DLG2: variants seen among roughly 807,000 people sequenced by gnomAD.
DLG2 encodes disks large homolog 2.
In DLG2, 45 loss-of-function variants were observed where a neutral mutation model predicts 132.5. The ratio of observed to expected loss-of-function variants is 0.34; its 90% CI spans 0.27 to 0.44. The LOEUF is 0.44. DLG2 is among the 20% of genes least tolerant of loss of function. DLG2 has a pLI of 1.00. For missense variants in DLG2, 1,045 were observed against 1,196.9 expected, an observed-to-expected ratio of 0.87 and a Z score of 1.87; for synonymous variants, 424 against 419.6, an observed-to-expected ratio of 1.01 and a Z score of -0.13.
At chr11:83,537,757 G>A (rs1262974374) in intron 20 of DLG2, among the ~76,000 whole-genome samples, 1 of 135,194 alleles carries the variant, frequency 7.4e-6, no homozygotes, top group Non-Finnish European at 1.6e-5. Flanking sequence ...GGAGGTTGCA[G>A]TGAGTTGGGA....
intron 14 of DLG2, among the ~76,000 whole-genome samples, chr11:83,960,282 T>C (rs2088235041): frequency 6.6e-6 from 1 of 152,064 alleles, no homozygotes. Context: ...CAGTATTTCC[T>C]AAGTGTCTCT....
chr11:84,410,571 AAACTTT>A (rs1028046938), intron 7 of DLG2, among the ~76,000 whole-genome samples: 7 of 149,290 alleles, frequency 4.7e-5, no homozygotes, highest in African/African-American at 1.7e-4. Context: ...AAAACCACAT[AAACTTT>A]TTTTTTTTTT....
chr11:85,302,496 A>C (rs2079648960), intron 3 of DLG2, among the ~76,000 whole-genome samples: 8 of 152,106 alleles, frequency 5.3e-5, no homozygotes, highest in African/African-American at 2.4e-5. Flanking sequence ...CAGATAAGCT[A>C]TCCCAGACTG....
chr11:84,756,359 A>G (rs557333148), intron 6 of DLG2, among the ~76,000 whole-genome samples: 3 of 152,332 alleles, frequency 2.0e-5, no homozygotes, highest in Non-Finnish European at 2.9e-5. Context: ...CTGTAATCCC[A>G]GCCCTTTAGA....
intron 2 of DLG2, among the ~76,000 whole-genome samples, chr11:85,610,084 G>A (rs1169090585): frequency 6.6e-6 from 1 of 152,166 alleles, no homozygotes; most frequent in Non-Finnish European, 1.5e-5. Context: ...GGCATTGGAA[G>A]GATAATTTGG....
At chr11:84,297,081 G>T (rs780789589) in intron 7 of DLG2, among the ~76,000 whole-genome samples, 2 of 148,674 alleles carry the variant, frequency 1.3e-5, no homozygotes, top group Non-Finnish European at 3.0e-5. Context: ...AATTATAATT[G>T]ACTTCATAAG....
chr11:85,481,327 C>A (rs898948830), intron 3 of DLG2, among the ~76,000 whole-genome samples: 4 of 152,160 alleles, frequency 2.6e-5, no homozygotes, highest in Non-Finnish European at 4.4e-5. Flanking sequence ...TTGTCTCTCC[C>A]ACAGAAACAT....
intron 3 of DLG2, among the ~76,000 whole-genome samples, chr11:85,559,068 T>C (rs768833948): frequency 4.6e-5 from 7 of 151,718 alleles, no homozygotes; most frequent in Non-Finnish European, 8.8e-5. Context: ...AGTGGTGATG[T>C]TATGAAATGA....
intron 21 of DLG2, among the ~76,000 whole-genome samples, chr11:83,499,379 G>A (rs1432615058): frequency 2.0e-5 from 3 of 152,024 alleles, no homozygotes; most frequent in South Asian, 4.1e-4. Flanking sequence ...AGTCTATATT[G>A]CAATGAATAT....
Position 83,459,717 on chromosome 11 carries a change from A to T in DLG2, c.*101T>A. 1.5e-6 allele frequency: 1 copy of T among 662,270 alleles called. No individual in the cohort carries two copies. Among genetic ancestry groups the T allele is most frequent in the South Asian group, 2.0e-5 (1 of 51,088 alleles). The allele number at this position is 662,270 out of a possible 1,614,324, so 41.0% of individuals were successfully genotyped here. ...GTAAGAATTCACATTGACTGCAAAA[A>T]CATAAATGCAACAAAAACATAAAAG... On this transcript the variant is annotated 3_prime_UTR_variant, in exon 28 of 28. Transcript: ENST00000376104.
chr11:84,785,607 T>G (rs1199983086), intron 6 of DLG2, among the ~76,000 whole-genome samples: 1 of 152,170 alleles, frequency 6.6e-6, no homozygotes, highest in South Asian at 2.1e-4. Context: ...TGAAATTGTA[T>G]AGAACCAACA....
chr11:85,238,249 ATT>A (rs2075698380), intron 4 of DLG2, among the ~76,000 whole-genome samples: 1 of 131,866 alleles, frequency 7.6e-6, no homozygotes, highest in Admixed American at 7.5e-5. Flanking sequence ...TTATTTATTT[ATT>A]TATTTATTTT....
chr11:84,669,102 GAGA>G (rs1273093901), intron 6 of DLG2, among the ~76,000 whole-genome samples: 1 of 152,114 alleles, frequency 6.6e-6, no homozygotes, highest in African/African-American at 2.4e-5. Context: ...AGGGCTCATA[GAGA>G]AGATGACACT....
chr11:84,522,963 T>C (rs1000427440), intron 7 of DLG2, among the ~76,000 whole-genome samples: 13 of 152,162 alleles, frequency 8.5e-5, no homozygotes, highest in African/African-American at 3.1e-4. Flanking sequence ...CCCAACTCAT[T>C]TGCTACAATT....
At chr11:84,147,160 T>C (rs1192355880) in intron 9 of DLG2, among the ~76,000 whole-genome samples, 2 of 152,100 alleles carry the variant, frequency 1.3e-5, no homozygotes, top group African/African-American at 4.8e-5. Flanking sequence ...AGATTTTCCA[T>C]GCTCCAGCCC....
chr11:85,432,805 G>A (rs1024327847), intron 3 of DLG2, among the ~76,000 whole-genome samples: 19 of 152,038 alleles, frequency 1.2e-4, no homozygotes, highest in Non-Finnish European at 2.9e-5. Context: ...TCAGATTCAG[G>A]AAATACAGAG....
At chr11:85,432,823 C>T (rs1414609147) in intron 3 of DLG2, among the ~76,000 whole-genome samples, 1 of 152,056 alleles carries the variant, frequency 6.6e-6, no homozygotes, top group Non-Finnish European at 1.5e-5. Flanking sequence ...GAGAAACTGA[C>T]TAAGATACTC....
At chr11:83,823,790 TC>T (rs1307559337) in intron 17 of DLG2, among the ~76,000 whole-genome samples, 1 of 152,198 alleles carries the variant, frequency 6.6e-6, no homozygotes, top group African/African-American at 2.4e-5. Flanking sequence ...GAACGTTGCT[TC>T]TAAGTGCCTC....
intron 6 of DLG2, among the ~76,000 whole-genome samples, chr11:85,102,982 A>G (rs1273661503): frequency 6.6e-6 from 1 of 152,006 alleles, no homozygotes; most frequent in Non-Finnish European, 1.5e-5. Context: ...AGAATGACCA[A>G]TGTAAAAGTG....
Sources: allele counts gnomAD v4.1 joint callset (sites outside exome capture counted in the v4.1 genomes callset), GRCh38; gene constraint gnomAD v4.1.1; transcripts MANE v1.5; gene names NCBI Gene and HGNC (gene_info 2026-07-23, HGNC 2026-07-21).